ATXN7L1: variants seen among roughly 807,000 people sequenced by gnomAD.
ATXN7L1 encodes ataxin 7 like 1, also known as ataxin-7-like protein 1.
ATXN7L1 carries 15 observed loss-of-function variants against 70.8 expected under a neutral mutation model. The ratio of observed to expected loss-of-function variants is 0.21; its 90% confidence interval spans 0.14 to 0.33. ATXN7L1 has a LOEUF of 0.33. Among genes scored for constraint, ATXN7L1 ranks in the 10% least tolerant of loss-of-function variants. The pLI is 1.00. For synonymous variants in ATXN7L1, 440 were observed against 445.1 expected (o/e 0.99, Z 0.14); for missense variants, 975 against 1,097.1 (o/e 0.89, Z 1.57).
rs564743328 is a variant in ATXN7L1 at position 105,635,774 on chromosome 7, C to T, written c.1202+2579G>A. Among the ~76,000 whole-genome samples, 15 of 150,844 alleles carry T rather than the reference C, an allele frequency of 9.9e-5. No individual in the cohort carries two copies. The South Asian group carries it at 1.0e-3, about 11-fold the overall frequency. ...GATACGTATGAAATAAATTCACACA[C>T]GTTAGCATTTCCCACAAAGGGAATT... On this transcript the variant is annotated intron_variant, in intron 7 of 11. Coordinates refer to ENST00000419735, the MANE Select transcript of ATXN7L1 (RefSeq NM_020725.2).
Position 105,605,945 on chromosome 7 carries a change from A to C in ATXN7L1, c.*1907T>G, listed in dbSNP as rs373501617. Reference sequence around the variant, plus strand: ...TAAAACATAAATTATTACAAAATTAACACTATAAAAATTTACTTTAAGAAT... The same window carrying C: ...TAAAACATAAATTATTACAAAATTACCACTATAAAAATTTACTTTAAGAAT... On this transcript the variant is annotated 3_prime_UTR_variant, in exon 12 of 12. Transcript: ENST00000419735. 3 of 152,176 alleles carry C rather than the reference A, an allele frequency of 2.0e-5. No individual in the cohort carries two copies. In the South Asian group the frequency reaches 6.2e-4, roughly 31 times the overall value. The allele number at this position is 152,176 out of a possible 1,614,324, so 9.4% of individuals were successfully genotyped here.
At chr7:105,632,121 A>T (rs1429400720) in intron 7 of ATXN7L1, among the ~76,000 whole-genome samples, 1 of 152,246 alleles carries the variant, frequency 6.6e-6, no homozygotes, top group Non-Finnish European at 1.5e-5. Flanking sequence ...CCAAATGTGC[A>T]TGGTTAGGGA....
intron 3 of ATXN7L1, among the ~76,000 whole-genome samples, chr7:105,755,334 G>A (rs1410753533): frequency 1.3e-5 from 2 of 152,218 alleles, no homozygotes; most frequent in Admixed American, 1.3e-4. Context: ...AGGTATAGAG[G>A]AAATGGGTGC....
intron 2 of ATXN7L1, among the ~76,000 whole-genome samples, chr7:105,839,119 G>C (rs1305490641): frequency 3.3e-5 from 5 of 152,166 alleles, no homozygotes; most frequent in Non-Finnish European, 7.3e-5. Flanking sequence ...TTCAGCTGTG[G>C]GTGTTCTAGA....
At chr7:105,675,872 C>A (rs546456815) in intron 3 of ATXN7L1, among the ~76,000 whole-genome samples, 74 of 149,152 alleles carry the variant, frequency 5.0e-4, no homozygotes, top group Non-Finnish European at 8.4e-4. Flanking sequence ...CTATTTCATT[C>A]ATTCATTCAC....
chr7:105,712,430 T>C (rs1794044181), intron 3 of ATXN7L1, among the ~76,000 whole-genome samples: 1 of 152,254 alleles, frequency 6.6e-6, no homozygotes, highest in Non-Finnish European at 1.5e-5. Flanking sequence ...ACTTTTATGC[T>C]CTGCTTCCCT....
intron 9 of ATXN7L1, among the ~76,000 whole-genome samples, chr7:105,619,528 ATATTTTTTTTTTTTTTTT>A (rs1297051119): frequency 8.7e-3 from 128 of 14,656 alleles, no homozygotes; most frequent in Non-Finnish European, 0.01. Context: ...ATATATATAT[ATATTTTTTTTTTTTTTTT>A]TTTTTTTTTT....
intron 2 of ATXN7L1, among the ~76,000 whole-genome samples, chr7:105,813,326 C>G (rs1312560234): frequency 6.8e-6 from 1 of 147,836 alleles, no homozygotes; most frequent in Admixed American, 7.0e-5. Context: ...CTAGTATTCA[C>G]AATCTACAAT....
At chr7:105,862,491 C>T (rs1266867498) in intron 2 of ATXN7L1, among the ~76,000 whole-genome samples, 2 of 152,174 alleles carry the variant, frequency 1.3e-5, no homozygotes, top group African/African-American at 4.8e-5. Flanking sequence ...CTCTTCTTGA[C>T]AGTCTGGCTG....
chr7:105,714,648 T>A (rs1794313897), intron 3 of ATXN7L1, among the ~76,000 whole-genome samples: 1 of 151,580 alleles, frequency 6.6e-6, no homozygotes, highest in South Asian at 2.1e-4. Flanking sequence ...GGCATCTGGA[T>A]AGCTTCTTCT....
At chr7:105,739,745 G>A (rs1303452675) in intron 3 of ATXN7L1, among the ~76,000 whole-genome samples, 1 of 152,198 alleles carries the variant, frequency 6.6e-6, no homozygotes, top group African/African-American at 2.4e-5. Context: ...CTGGGCCTGA[G>A]GAATCAGCGT....
intron 2 of ATXN7L1, among the ~76,000 whole-genome samples, chr7:105,814,642 A>C (rs988657091): frequency 3.3e-5 from 5 of 152,236 alleles, no homozygotes; most frequent in African/African-American, 1.2e-4. Flanking sequence ...TGTTGACTCC[A>C]ATGCTTAGAA....
chr7:105,629,793 C>T (rs1005410810), intron 7 of ATXN7L1, among the ~76,000 whole-genome samples: 1 of 151,466 alleles, frequency 6.6e-6, no homozygotes, highest in Admixed American at 6.6e-5. Context: ...GCTGGGATTA[C>T]AGGTGTAGGC....
chr7:105,713,771 G>A (rs1278378990), intron 3 of ATXN7L1, among the ~76,000 whole-genome samples: 4 of 151,772 alleles, frequency 2.6e-5, no homozygotes, highest in African/African-American at 9.7e-5. Flanking sequence ...CCCCAGTCAG[G>A]AGGCCTCAGA....
intron 2 of ATXN7L1, among the ~76,000 whole-genome samples, chr7:105,818,640 A>G (rs1193881201): frequency 6.6e-6 from 1 of 152,226 alleles, no homozygotes; most frequent in Non-Finnish European, 1.5e-5. Flanking sequence ...AATTAAGATA[A>G]TTCAGAAAAG....
At chr7:105,679,196 C>G in intron 3 of ATXN7L1, 1 of 951,582 alleles carries the variant, frequency 1.1e-6, no homozygotes, top group Non-Finnish European at 1.3e-6. Flanking sequence ...AGAGAGCACG[C>G]CCAGACGAGA....
intron 2 of ATXN7L1, among the ~76,000 whole-genome samples, chr7:105,834,241 C>G (rs1481623928): frequency 2.1e-4 from 32 of 151,836 alleles, no homozygotes; most frequent in Admixed American, 2.1e-3. Context: ...AGAGTTTCAC[C>G]ATGTTGCCCA....
At chr7:105,636,969 G>T (rs774952314) in intron 7 of ATXN7L1, among the ~76,000 whole-genome samples, 2 of 152,320 alleles carry the variant, frequency 1.3e-5, no homozygotes, top group South Asian at 2.1e-4. Context: ...AGTTTGGAAC[G>T]GAATTGTTGC....
At chr7:105,852,718 T>C (rs2116634927) in intron 2 of ATXN7L1, among the ~76,000 whole-genome samples, 1 of 151,594 alleles carries the variant, frequency 6.6e-6, no homozygotes, top group East Asian at 2.0e-4. Context: ...AGGTCTCTGT[T>C]TGACCCGCTC....
Sources: gnomAD v4.1 joint callset for allele counts (sites outside exome capture counted in the v4.1 genomes callset) on GRCh38, gnomAD v4.1.1 for gene constraint, MANE v1.5 for transcripts, NCBI Gene and HGNC (gene_info 2026-07-23, HGNC 2026-07-21) for gene names.